NECAB1: variants seen among roughly 807,000 people sequenced by gnomAD.
NECAB1 encodes N-terminal EF-hand calcium binding protein 1, also known as N-terminal EF-hand calcium-binding protein 1.
In NECAB1, 29 loss-of-function variants were observed where a neutral mutation model predicts 57.5. That is an observed-to-expected ratio of 0.50 (90% confidence interval 0.38 to 0.69). The LOEUF (loss-of-function observed/expected upper bound fraction) is 0.69. NECAB1 is among the 30% of genes least tolerant of loss of function. The probability of loss-of-function intolerance (pLI) is 0.00; values close to 1 mark genes in which losing one functional copy is unlikely to be tolerated. For missense variants in NECAB1, 372 were observed against 413.8 expected (o/e 0.90, Z 0.88); for synonymous variants, 142 against 147.7 (o/e 0.96, Z 0.28).
intron 3 of NECAB1, among the ~76,000 whole-genome samples, chr8:90,848,450 G>T (rs577266613): frequency 6.6e-6 from 1 of 151,932 alleles, no homozygotes; most frequent in Non-Finnish European, 1.5e-5. Context: ...CACATTTTTG[G>T]GTATCTTTAC....
At chr8:90,799,971 A>G (rs1811733975) in intron 1 of NECAB1, among the ~76,000 whole-genome samples, 2 of 152,226 alleles carry the variant, frequency 1.3e-5, no homozygotes, top group South Asian at 2.1e-4. Flanking sequence ...TCTGTCATCT[A>G]TGATTTCTTT....
chr8:90,943,053 C>T (rs190459716), intron 10 of NECAB1, among the ~76,000 whole-genome samples: 287 of 151,444 alleles, frequency 1.9e-3, no homozygotes, highest in Non-Finnish European at 3.0e-3. Flanking sequence ...ATAAAAAAGG[C>T]GCACAAGTTT....
Position 90,878,917 on chromosome 8 carries a change from C to CTCTA in NECAB1, c.260-2115_260-2114insCTAT, listed in dbSNP as rs1554570653. The stretch of plus-strand genomic sequence containing the variant: ...AAAAAGAGGCTTTACCTCTCTCTCT[C>CTCTA]TATATATATATATAGTAAGTATTTT... On this transcript the variant is annotated intron_variant, in intron 4 of 12. Transcript: ENST00000417640. 5.3e-3 allele frequency among the ~76,000 whole-genome samples: 774 copies of CTCTA among 146,252 alleles called. 9 individuals carry two copies. The highest frequency in any genetic ancestry group is 0.018 in the African/African-American group (709 of 40,108).
chr8:90,813,890 C>A (rs1177445994), intron 2 of NECAB1, among the ~76,000 whole-genome samples: 4 of 152,160 alleles, frequency 2.6e-5, no homozygotes, highest in African/African-American at 9.7e-5. Context: ...AACCAAGTTT[C>A]CCTTGTTATT....
chr8:90,902,185 C>T (rs1425354209), intron 5 of NECAB1, among the ~76,000 whole-genome samples: 3 of 152,160 alleles, frequency 2.0e-5, no homozygotes, highest in South Asian at 2.1e-4. Context: ...TTTGGGAGGC[C>T]GAGGAGGGTG....
At chr8:90,905,472 C>T (rs937568873) in intron 5 of NECAB1, among the ~76,000 whole-genome samples, 1 of 152,066 alleles carries the variant, frequency 6.6e-6, no homozygotes, top group Non-Finnish European at 1.5e-5. Flanking sequence ...AGTTAATAGC[C>T]ACAGGTTCAT....
In NECAB1 at chr8:90,955,602, TCTA is replaced by T; in HGVS notation, c.*93_*95del. On this transcript the variant is annotated 3_prime_UTR_variant, in exon 13 of 13. Coordinates refer to ENST00000417640, the MANE Select transcript of NECAB1 (RefSeq NM_022351.5). The stretch of plus-strand genomic sequence containing the variant: ...TTAGAAAATTATCTGCGGTTGTTAA[TCTA>T]CTGTATATTTTTGTTTGGTATATTT... 2.1e-6 allele frequency: 2 copies of T among 975,504 alleles called. No homozygotes were observed. Among genetic ancestry groups the T allele is most frequent in the Non-Finnish European group, 3.0e-6 (2 of 659,256 alleles). The allele number at this position is 975,504 out of a possible 1,614,324, so 60.4% of individuals were successfully genotyped here.
intron 3 of NECAB1, among the ~76,000 whole-genome samples, chr8:90,866,250 A>G (rs1419675515): frequency 6.6e-6 from 1 of 152,230 alleles, no homozygotes; most frequent in Non-Finnish European, 1.5e-5. Flanking sequence ...TGGAAAACAC[A>G]ATGATGGCTG....
chr8:90,939,020 T>C (rs1430768931), intron 9 of NECAB1, among the ~76,000 whole-genome samples: 2 of 152,136 alleles, frequency 1.3e-5, no homozygotes, highest in Non-Finnish European at 2.9e-5. Context: ...AATCCTCTAA[T>C]ATAGGGGTTG....
At chr8:90,855,265 G>A (rs1486230172) in intron 3 of NECAB1, among the ~76,000 whole-genome samples, 3 of 152,180 alleles carry the variant, frequency 2.0e-5, no homozygotes, top group Admixed American at 2.0e-4. Flanking sequence ...AAGAAAAAAA[G>A]TGCTTGACTT....
intron 4 of NECAB1, among the ~76,000 whole-genome samples, chr8:90,880,620 C>T (rs1321036171): frequency 1.3e-5 from 2 of 151,752 alleles, no homozygotes; most frequent in African/African-American, 4.8e-5. Flanking sequence ...GACTCTTAAC[C>T]TTGAGAAGAG....
At chr8:90,951,066 G>C (rs778760808) in intron 11 of NECAB1, 47 bp from the exon 12 acceptor site, 1 of 1,186,860 alleles carries the variant, frequency 8.4e-7, no homozygotes, top group East Asian at 2.6e-5. Flanking sequence ...TACTTGGGAA[G>C]ATTGTAAATA....
At chr8:90,930,123 T>C (rs576612540) in intron 8 of NECAB1, among the ~76,000 whole-genome samples, 2 of 152,192 alleles carry the variant, frequency 1.3e-5, no homozygotes, top group South Asian at 4.2e-4. Flanking sequence ...AAAATGAGGC[T>C]CAGAGACACT....
chr8:90,808,530 A>C (rs1811893405), intron 2 of NECAB1, among the ~76,000 whole-genome samples: 1 of 152,162 alleles, frequency 6.6e-6, no homozygotes, highest in Non-Finnish European at 1.5e-5. Context: ...ACTTGTTGGA[A>C]AATTAAATAG....
At chr8:90,826,367 G>A (rs186576458) in intron 3 of NECAB1, among the ~76,000 whole-genome samples, 68 of 152,018 alleles carry the variant, frequency 4.5e-4, no homozygotes, top group African/African-American at 1.6e-3. Context: ...AGGCTGCAAC[G>A]TCTTTATAGG....
intron 8 of NECAB1, among the ~76,000 whole-genome samples, chr8:90,931,004 G>A (rs1345500966): frequency 8.9e-6 from 1 of 112,208 alleles, no homozygotes; most frequent in Non-Finnish European, 1.6e-5. Flanking sequence ...TTAAAGGAAT[G>A]GCTCAAACTT....
intron 3 of NECAB1, among the ~76,000 whole-genome samples, chr8:90,842,823 G>T (rs1031770850): frequency 3.3e-5 from 5 of 152,164 alleles, no homozygotes; most frequent in African/African-American, 1.2e-4. Context: ...AGTTGCTAAG[G>T]CCTTTATGGG....
At chr8:90,926,624 T>C (rs2130172145) in intron 7 of NECAB1, among the ~76,000 whole-genome samples, 1 of 152,342 alleles carries the variant, frequency 6.6e-6, no homozygotes, top group East Asian at 1.9e-4. Flanking sequence ...GGTTCCAGGC[T>C]GTATGTAGGT....
intron 5 of NECAB1, among the ~76,000 whole-genome samples, chr8:90,893,484 G>A (rs887051571): frequency 6.6e-6 from 1 of 152,186 alleles, no homozygotes; most frequent in African/African-American, 2.4e-5. Flanking sequence ...CGGAAGGGAA[G>A]AGCGACTTGG....
Sources: allele counts gnomAD v4.1 joint callset (sites outside exome capture counted in the v4.1 genomes callset), GRCh38; gene constraint gnomAD v4.1.1; transcripts MANE v1.5; gene names NCBI Gene and HGNC (gene_info 2026-07-23, HGNC 2026-07-21).